ATAD1: variants seen among roughly 807,000 people sequenced by gnomAD.
The protein encoded by ATAD1 is ATPase family AAA domain containing 1.
ATAD1 carries 18 observed loss-of-function variants against 42.7 expected under a neutral mutation model. The observed-to-expected ratio is 0.42, with a 90% CI of 0.29 to 0.63. The LOEUF is 0.63. Among genes scored for constraint, ATAD1 ranks in the 20% least tolerant of loss-of-function variants. The pLI, the probability that ATAD1 is intolerant of heterozygous loss-of-function variation, is 0.19. For synonymous variants in ATAD1, 132 were observed against 143.1 expected (o/e 0.92, Z 0.55); for missense variants, 294 against 440.4 (o/e 0.67, Z 2.98).
At chr10:87,795,623 C>CTTTCATTT (rs1856350340) in intron 2 of ATAD1, among the ~76,000 whole-genome samples, 1 of 151,996 alleles carries the variant, frequency 6.6e-6, no homozygotes, top group East Asian at 1.9e-4. Context: ...ATTTTCTACC[C>CTTTCATTT]TTTCACACTA....
chr10:87,828,986 G>T (rs565650712), intron 1 of ATAD1, among the ~76,000 whole-genome samples: 1 of 152,256 alleles, frequency 6.6e-6, no homozygotes, highest in African/African-American at 2.4e-5. Context: ...GATGTTAACT[G>T]CTCATTGACA....
chr10:87,836,265 A>G (rs1857928231), intron 1 of ATAD1, among the ~76,000 whole-genome samples: 2 of 152,248 alleles, frequency 1.3e-5, no homozygotes, highest in Middle Eastern at 3.4e-3. Context: ...CGCTAAGACT[A>G]CCACCATGCC....
At chr10:87,786,214 TTAAA>T (rs1313593982) in intron 4 of ATAD1, among the ~76,000 whole-genome samples, 4 of 152,362 alleles carry the variant, frequency 2.6e-5, no homozygotes, top group South Asian at 4.1e-4. Context: ...CACATGTTAC[TTAAA>T]TCTCTGGGTT....
At chr10:87,811,020 T>C (rs947278782) in intron 2 of ATAD1, among the ~76,000 whole-genome samples, 12 of 152,130 alleles carry the variant, frequency 7.9e-5, no homozygotes, top group African/African-American at 2.9e-4. Flanking sequence ...TTTACTTTGT[T>C]GATAGCTCAT....
At chr10:87,756,946 T>A (rs771982411) in intron 8 of ATAD1, 24 bp from the exon 9 acceptor site, 1 of 1,561,440 alleles carries the variant, frequency 6.4e-7, no homozygotes, top group Admixed American at 2.0e-5. Flanking sequence ...AAAAACATGC[T>A]TAAAAAACAA....
At chr10:87,790,191 C>T in intron 4 of ATAD1, 119 bp downstream of exon 4, 1 of 1,181,644 alleles carries the variant, frequency 8.5e-7, no homozygotes, top group Non-Finnish European at 1.2e-6. Context: ...AAACTGTTCA[C>T]ATAGATCTCA....
intron 8 of ATAD1, among the ~76,000 whole-genome samples, chr10:87,766,095 T>C (rs1004739829): frequency 2.0e-5 from 3 of 152,066 alleles, no homozygotes; most frequent in African/African-American, 7.2e-5. Context: ...CTATCTATCA[T>C]GTTGGCACGA....
At chr10:87,775,406 G>A (rs1459933948) in intron 6 of ATAD1, among the ~76,000 whole-genome samples, 5 of 107,788 alleles carry the variant, frequency 4.6e-5, no homozygotes, top group Admixed American at 4.0e-4. Flanking sequence ...GGGCGACAGA[G>A]CAAGACTCCA....
rs559884317 is a variant in ATAD1 at position 87,759,467 on chromosome 10, CTACTT to C, written c.832-2550_832-2546del. On this transcript the variant is annotated intron_variant, in intron 8 of 9. Coordinates refer to ENST00000680024, the MANE Select transcript of ATAD1 (RefSeq NM_001321967.2). ...TGAAATATTTCATACATTTAACAAA[CTACTT>C]TAAAGAGCTTTCCAAACTATACTCT... Among the ~76,000 whole-genome samples, 10 of 152,256 alleles carry C rather than the reference CTACTT, an allele frequency of 6.6e-5. No homozygotes were observed. In the East Asian group the frequency reaches 7.7e-4, roughly 12 times the overall value.
At position 87,809,641 on chromosome 10, in the gene ATAD1, T is replaced by TTTTATTTATTTATTTATTTA. The variant is rs144658707; in HGVS notation, c.162+4777_162+4796dup. 4.6e-4 allele frequency among the ~76,000 whole-genome samples: 69 copies of TTTTATTTATTTATTTATTTA among 150,354 alleles called. No individual in the cohort carries two copies. In the Middle Eastern group the frequency reaches 0.021, roughly 45 times the overall value. ...AGTCCTAATTTTTTTTATTTATTAA[T>TTTTATTTATTTATTTATTTA]TTTATTTATTTATTTATTTATTTAT... On this transcript the variant is annotated intron_variant, in intron 2 of 9. Transcript: ENST00000680024.
chr10:87,822,900 A>G (rs1400378042), upstream of ATAD1, among the ~76,000 whole-genome samples: 1 of 152,132 alleles, frequency 6.6e-6, no homozygotes, highest in African/African-American at 2.4e-5. Context: ...ATATCATGTA[A>G]TCCATAGATA....
At chr10:87,776,501 C>T (rs1300807311) in intron 5 of ATAD1, 74 bp from the exon 6 acceptor site, 3 of 1,235,652 alleles carry the variant, frequency 2.4e-6, no homozygotes, top group South Asian at 1.3e-5. Flanking sequence ...CAGGGTCTCA[C>T]TCTGTTGCCC....
intron 1 of ATAD1, among the ~76,000 whole-genome samples, chr10:87,840,482 C>G (rs1054182076): frequency 6.6e-5 from 10 of 152,058 alleles, no homozygotes; most frequent in African/African-American, 1.9e-4. Flanking sequence ...GAGACCCTAT[C>G]TCTGAAAAAG....
chr10:87,792,658 T>C lies in ATAD1; in HGVS notation c.260A>G (p.His87Arg), dbSNP rs767526639. 9.9e-7 allele frequency: 1 copy of C among 1,010,230 alleles called. No individual in the cohort carries two copies. Among genetic ancestry groups the C allele is most frequent in the South Asian group, 1.2e-5 (1 of 80,398 alleles). The allele number at this position is 1,010,230 out of a possible 1,614,324, so 62.6% of individuals were successfully genotyped here. ...AAHLVDPLNM[H>R]VTWSDIAGLD... is the part of the protein sequence containing the mutation. The stretch of plus-strand genomic sequence containing the variant: ...TTAAATAAGATTAAAGATACATACA[T>C]GCATATTAAGAGGGTCTACAAGATG... Residue 87 changes from histidine (H) to arginine (R), a missense_variant and splice_region_variant, in exon 3 of 10, where the codon CAT becomes CGT. Physicochemically the swap from His to Arg is conservative, Grantham distance 29 (BLOSUM62 0). Transcript: ENST00000680024.
chr10:87,794,092 C>T (rs752572379), intron 2 of ATAD1, among the ~76,000 whole-genome samples: 8 of 152,044 alleles, frequency 5.3e-5, no homozygotes, highest in African/African-American at 1.2e-4. Flanking sequence ...TGGTAGTACA[C>T]GCCTGTAGTC....
At chr10:87,821,705 A>G (rs1222703960), upstream of ATAD1, among the ~76,000 whole-genome samples, 1 of 152,176 alleles carries the variant, frequency 6.6e-6, no homozygotes, top group Non-Finnish European at 1.5e-5. Flanking sequence ...CCATGTGAGG[A>G]TGCAGGAAGG....
At chr10:87,840,431 G>A (rs1316546286) in intron 1 of ATAD1, among the ~76,000 whole-genome samples, 1 of 152,210 alleles carries the variant, frequency 6.6e-6, no homozygotes, top group African/African-American at 2.4e-5. Context: ...GCTGCAGTGA[G>A]CCATGATTGC....
chr10:87,777,597 T>TAA (rs569371222), intron 5 of ATAD1, among the ~76,000 whole-genome samples: 1 of 146,320 alleles, frequency 6.8e-6, no homozygotes, highest in East Asian at 2.0e-4. Flanking sequence ...CCTAATAATT[T>TAA]AAAAAAAAAA....
chr10:87,810,982 T>G (rs1185648783), intron 2 of ATAD1, among the ~76,000 whole-genome samples: 1 of 152,138 alleles, frequency 6.6e-6, no homozygotes, highest in African/African-American at 2.4e-5. Context: ...TTTCTGAAAT[T>G]TTTGCCTTAA....
Sources: allele counts gnomAD v4.1 joint callset (sites outside exome capture counted in the v4.1 genomes callset), GRCh38; gene constraint gnomAD v4.1.1; transcripts MANE v1.5; gene names NCBI Gene and HGNC (gene_info 2026-07-23, HGNC 2026-07-21).